RGS7: variants seen among roughly 807,000 people sequenced by gnomAD.
The protein encoded by RGS7 is regulator of G protein signaling 7, also known as regulator of G-protein signaling 7.
Under a neutral mutation model 81.1 loss-of-function variants are expected in RGS7, and 27 were observed. The observed-to-expected ratio is 0.33, with a 90% CI of 0.25 to 0.46. RGS7 has a LOEUF of 0.46. RGS7 is among the 20% of genes least tolerant of loss of function. The pLI, the probability that RGS7 is intolerant of heterozygous loss-of-function variation, is 1.00. For synonymous variants in RGS7, 208 were observed against 207.7 expected, an observed-to-expected ratio of 1.00 and a Z score of -0.01; for missense variants, 396 against 607.4, an observed-to-expected ratio of 0.65 and a Z score of 3.66.
chr1:241,332,865 G>C (rs777127742), intron 2 of RGS7, among the ~76,000 whole-genome samples: 1 of 152,100 alleles, frequency 6.6e-6, no homozygotes, highest in Non-Finnish European at 1.5e-5. Context: ...GAACCACCTA[G>C]GAGGGTGTCT....
intron 14 of RGS7, among the ~76,000 whole-genome samples, chr1:240,808,195 T>G (rs1689221888): frequency 6.6e-6 from 1 of 152,076 alleles, no homozygotes; most frequent in African/African-American, 2.4e-5. Context: ...GATAAACCAT[T>G]TAATTGGCCG....
intron 2 of RGS7, among the ~76,000 whole-genome samples, chr1:241,113,215 G>A (rs1045441908): frequency 3.3e-5 from 5 of 152,032 alleles, no homozygotes; most frequent in African/African-American, 1.2e-4. Flanking sequence ...TCCTGACAAC[G>A]ATTCTCAATG....
chr1:241,288,212 T>C (rs2078920860), intron 2 of RGS7, among the ~76,000 whole-genome samples: 1 of 152,260 alleles, frequency 6.6e-6, no homozygotes, highest in African/African-American at 2.4e-5. Flanking sequence ...AAGAACTTGA[T>C]GTTTCATCAG....
At chr1:240,856,683 G>A (rs1342724753) in intron 9 of RGS7, among the ~76,000 whole-genome samples, 3 of 152,228 alleles carry the variant, frequency 2.0e-5, no homozygotes, top group Non-Finnish European at 2.9e-5. Flanking sequence ...CCATACAACC[G>A]TGGTGCAACT....
At chr1:241,305,881 C>A in intron 2 of RGS7, 2 of 255,504 alleles carry the variant, frequency 7.8e-6, no homozygotes, top group South Asian at 7.8e-5. Context: ...TGGGGTAGTG[C>A]AGGACCATGG....
intron 17 of RGS7, among the ~76,000 whole-genome samples, chr1:240,801,068 T>C (rs1687945583): frequency 6.6e-6 from 1 of 152,014 alleles, no homozygotes; most frequent in African/African-American, 2.4e-5. Context: ...AGAACCCTCA[T>C]TGTTCTTAAC....
At chr1:241,049,455 A>G (rs924476592) in intron 3 of RGS7, among the ~76,000 whole-genome samples, 1 of 152,210 alleles carries the variant, frequency 6.6e-6, no homozygotes, top group African/African-American at 2.4e-5. Context: ...TATGTAGTCA[A>G]CTCAAATCTC....
intron 3 of RGS7, among the ~76,000 whole-genome samples, chr1:241,089,029 CT>C (rs1305337236): frequency 2.9e-4 from 11 of 38,364 alleles, no homozygotes; most frequent in Admixed American, 5.3e-4. Context: ...CCATCTCTCT[CT>C]CTCTCTCTCT....
At chr1:241,011,432 G>A (rs1273012134) in intron 3 of RGS7, among the ~76,000 whole-genome samples, 1 of 152,206 alleles carries the variant, frequency 6.6e-6, no homozygotes, top group Non-Finnish European at 1.5e-5. Flanking sequence ...GAAAGTTCCT[G>A]TGGCCCCTTG....
At chr1:240,934,336 T>TA (rs1445998019) in intron 5 of RGS7, among the ~76,000 whole-genome samples, 6 of 152,246 alleles carry the variant, frequency 3.9e-5, no homozygotes, top group Non-Finnish European at 7.3e-5. Context: ...TTTTCTACTT[T>TA]AATTTATGAT....
At chr1:240,943,794 G>A (rs1390526349) in intron 4 of RGS7, among the ~76,000 whole-genome samples, 4 of 152,146 alleles carry the variant, frequency 2.6e-5, no homozygotes, top group Non-Finnish European at 5.9e-5. Context: ...GTGAATACCA[G>A]ATGCCAATGA....
At chr1:241,183,826 C>T (rs61833783) in intron 2 of RGS7, among the ~76,000 whole-genome samples, 2 of 152,132 alleles carry the variant, frequency 1.3e-5, no homozygotes, top group Non-Finnish European at 2.9e-5. Flanking sequence ...GAGGGGTATT[C>T]CCTCTACTTC....
intron 10 of RGS7, among the ~76,000 whole-genome samples, chr1:240,820,104 T>G (rs1691508192): frequency 1.3e-5 from 2 of 152,194 alleles, no homozygotes; most frequent in Admixed American, 1.3e-4. Flanking sequence ...TTTGCATGTT[T>G]TAGAAAAAAA....
chr1:241,312,000 G>A (rs192514120), intron 2 of RGS7, among the ~76,000 whole-genome samples: 2 of 152,204 alleles, frequency 1.3e-5, no homozygotes, highest in Non-Finnish European at 2.9e-5. Context: ...CTTCAGACAT[G>A]AATTTCATCA....
intron 6 of RGS7, among the ~76,000 whole-genome samples, chr1:240,876,457 C>T (rs544599088): frequency 6.6e-6 from 1 of 152,286 alleles, no homozygotes; most frequent in Non-Finnish European, 1.5e-5. Context: ...CCCCTTTACA[C>T]CTGATCTTGA....
chr1:241,228,401 C>T (rs1266020313), intron 2 of RGS7, among the ~76,000 whole-genome samples: 1 of 151,958 alleles, frequency 6.6e-6, no homozygotes, highest in East Asian at 1.9e-4. Flanking sequence ...ATAAAATCCA[C>T]TAGGTTAAAA....
At chr1:241,150,265 C>G (rs2068650419) in intron 2 of RGS7, among the ~76,000 whole-genome samples, 1 of 151,974 alleles carries the variant, frequency 6.6e-6, no homozygotes, top group African/African-American at 2.4e-5. Flanking sequence ...GGTATTTAAC[C>G]CATTTATAGA....
intron 2 of RGS7, among the ~76,000 whole-genome samples, chr1:241,154,480 C>G (rs890667315): frequency 1.3e-5 from 2 of 152,142 alleles, no homozygotes; most frequent in African/African-American, 4.8e-5. Flanking sequence ...CCCCAATGTC[C>G]AAGGTCAGGG....
chr1:240,932,408 T>C (rs1675606412), intron 5 of RGS7, among the ~76,000 whole-genome samples: 4 of 152,124 alleles, frequency 2.6e-5, no homozygotes, highest in African/African-American at 9.7e-5. Flanking sequence ...CCATAGGAGA[T>C]GAAGCTTTGA....
Sources: allele counts gnomAD v4.1 joint callset (sites outside exome capture counted in the v4.1 genomes callset), GRCh38; gene constraint gnomAD v4.1.1; transcripts MANE v1.5; gene names NCBI Gene and HGNC (gene_info 2026-07-23, HGNC 2026-07-21).